The following DAB1 variants were observed in gnomAD, a reference collection of about 807,000 sequenced individuals.
The protein encoded by DAB1 is DAB adaptor protein 1.
Under a neutral mutation model 64.6 loss-of-function variants are expected in DAB1, and 15 were observed. The observed-to-expected ratio is 0.23, with a 90% CI of 0.16 to 0.36. The LOEUF is 0.36. DAB1 is among the 10% of genes least tolerant of loss of function. The pLI, the probability that DAB1 is intolerant of heterozygous loss-of-function variation, is 1.00. For missense variants in DAB1, 596 were observed against 706.7 expected, an observed-to-expected ratio of 0.84 and a Z score of 1.78; for synonymous variants, 235 against 251.9, an observed-to-expected ratio of 0.93 and a Z score of 0.64.
intron 3 of DAB1, among the ~76,000 whole-genome samples, chr1:58,443,370 C>T (rs1255943708): frequency 2.6e-5 from 4 of 152,202 alleles, no homozygotes; most frequent in Non-Finnish European, 5.9e-5. Context: ...GAAAAAATAT[C>T]ACCTATAATT....
In DAB1 at chr1:57,445,298, A is replaced by G. The variant is rs564041078; in HGVS notation, n.626-154132T>C. Among the ~76,000 whole-genome samples the G allele has an allele frequency of 2.0e-5, 3 of 152,324 alleles. No individual in the cohort carries two copies. The East Asian group carries it at 5.8e-4, about 29-fold the overall frequency. ...TATATGCAGAAGCAACTTAAAGATG[A>G]AACTAGGTAAATTCCTACTTTTAAA... is the stretch of plus-strand genomic sequence containing the variant. On this transcript the variant is annotated intron_variant and non_coding_transcript_variant, in intron 7 of 20. Transcript: ENST00000485760.
chr1:57,271,730 T>C (rs1051833226), intron 2 of DAB1, among the ~76,000 whole-genome samples: 1 of 152,194 alleles, frequency 6.6e-6, no homozygotes, highest in African/African-American at 2.4e-5. Flanking sequence ...GAAGGCTTCC[T>C]GGAGGAAGTG....
At chr1:57,051,970 G>GTTT (rs1365572164) in intron 9 of DAB1, among the ~76,000 whole-genome samples, 1 of 152,128 alleles carries the variant, frequency 6.6e-6, no homozygotes, top group Non-Finnish European at 1.5e-5. Flanking sequence ...AAGGCAGTAG[G>GTTT]TTTTAGTAGA....
chr1:57,082,899 C>T (rs1652690476), intron 4 of DAB1, among the ~76,000 whole-genome samples: 1 of 152,142 alleles, frequency 6.6e-6, no homozygotes, highest in Non-Finnish European at 1.5e-5. Context: ...TTTTCAGCAA[C>T]AACATTTTTC....
At chr1:57,943,959 G>T (rs1473003527) in intron 5 of DAB1, among the ~76,000 whole-genome samples, 1 of 152,080 alleles carries the variant, frequency 6.6e-6, no homozygotes, top group East Asian at 1.9e-4. Flanking sequence ...AGAGAAACTG[G>T]AGTCACATTG....
upstream of DAB1, among the ~76,000 whole-genome samples, chr1:57,884,336 C>T (rs1025362665): frequency 2.6e-5 from 4 of 152,088 alleles, no homozygotes; most frequent in East Asian, 5.8e-4. Flanking sequence ...AGCCACATGA[C>T]GTGTGCTGAG....
At chr1:57,595,218 T>G (rs888496312) in intron 7 of DAB1, among the ~76,000 whole-genome samples, 1 of 152,016 alleles carries the variant, frequency 6.6e-6, no homozygotes, top group African/African-American at 2.4e-5. Context: ...GAATAATTAT[T>G]TAGATTCTAA....
chr1:57,884,978 C>G (rs1053778543), upstream of DAB1, among the ~76,000 whole-genome samples: 1 of 152,186 alleles, frequency 6.6e-6, no homozygotes, highest in Non-Finnish European at 1.5e-5. Flanking sequence ...GTCAGAGGCC[C>G]TCCTCAGTAG....
chr1:57,200,772 T>A (rs1056653131), intron 2 of DAB1, among the ~76,000 whole-genome samples: 1 of 152,208 alleles, frequency 6.6e-6, no homozygotes, highest in Non-Finnish European at 1.5e-5. Context: ...AATTGGCAAG[T>A]TTATAGAGTT....
intron 7 of DAB1, among the ~76,000 whole-genome samples, chr1:57,539,327 GTT>G (rs1275976016): frequency 3.9e-5 from 6 of 152,176 alleles, no homozygotes; most frequent in Non-Finnish European, 5.9e-5. Context: ...AGGGGAGTAT[GTT>G]TTTCTGGATT....
intron 6 of DAB1, among the ~76,000 whole-genome samples, chr1:57,725,969 G>A (rs1647204577): frequency 6.6e-6 from 1 of 152,096 alleles, no homozygotes; most frequent in Admixed American, 6.6e-5. Flanking sequence ...GCCCAGGCTG[G>A]TCTTGAACTC....
intron 4 of DAB1, among the ~76,000 whole-genome samples, chr1:58,243,771 C>A (rs1570532601): frequency 6.6e-6 from 1 of 152,190 alleles, no homozygotes; most frequent in African/African-American, 2.4e-5. Context: ...TATTATAAAA[C>A]AAGGCAGATA....
At chr1:58,388,881 C>A (rs1049246465) in intron 3 of DAB1, among the ~76,000 whole-genome samples, 6 of 152,176 alleles carry the variant, frequency 3.9e-5, no homozygotes, top group Non-Finnish European at 8.8e-5. Flanking sequence ...AGTGTGGATT[C>A]TGTAACTGCT....
At chr1:58,062,160 T>C (rs1262790902) in intron 5 of DAB1, among the ~76,000 whole-genome samples, 4 of 152,148 alleles carry the variant, frequency 2.6e-5, no homozygotes, top group African/African-American at 9.7e-5. Flanking sequence ...TGCCCTCCAA[T>C]AACACTCGCA....
chr1:58,210,277 G>C (rs982560969), intron 4 of DAB1, among the ~76,000 whole-genome samples: 1 of 152,144 alleles, frequency 6.6e-6, no homozygotes, highest in Non-Finnish European at 1.5e-5. Flanking sequence ...GGCATTCTAG[G>C]GGGAGGAACT....
chr1:57,143,437 A>C (rs1658803024), intron 3 of DAB1, among the ~76,000 whole-genome samples: 1 of 152,176 alleles, frequency 6.6e-6, no homozygotes, highest in South Asian at 2.1e-4. Context: ...AACATTGCTT[A>C]ATTATTGAAA....
At chr1:58,433,574 A>C (rs1033812909) in intron 3 of DAB1, among the ~76,000 whole-genome samples, 1 of 115,422 alleles carries the variant, frequency 8.7e-6, no homozygotes, top group African/African-American at 3.6e-5. Flanking sequence ...CATAAGAGAG[A>C]GAGAGAGAGA....
chr1:57,587,760 G>C (rs1199242029), intron 7 of DAB1, among the ~76,000 whole-genome samples: 1 of 152,208 alleles, frequency 6.6e-6, no homozygotes, highest in Non-Finnish European at 1.5e-5. Context: ...GCAGTGAAGA[G>C]ACTTGCCCAA....
At chr1:57,233,227 C>T (rs1177882951) in intron 2 of DAB1, among the ~76,000 whole-genome samples, 1 of 146,540 alleles carries the variant, frequency 6.8e-6, no homozygotes, top group Non-Finnish European at 1.5e-5. Flanking sequence ...CCCATCTCAG[C>T]AATGCAGCTT....
Sources: allele counts gnomAD v4.1 joint callset (sites outside exome capture counted in the v4.1 genomes callset), GRCh38; gene constraint gnomAD v4.1.1; transcripts MANE v1.5; gene names NCBI Gene and HGNC (gene_info 2026-07-23, HGNC 2026-07-21).